PRIM2: variants seen among roughly 807,000 people sequenced by gnomAD.
The protein encoded by PRIM2 is DNA primase subunit 2, also known as DNA primase large subunit.
In PRIM2, 39 loss-of-function variants were observed where a neutral mutation model predicts 67.3. The observed-to-expected ratio is 0.58, with a 90% CI of 0.45 to 0.76. The LOEUF (loss-of-function observed/expected upper bound fraction) is 0.76. Ranked by LOEUF, PRIM2 falls within the 30% of genes least tolerant of loss-of-function variation. The pLI, the probability that PRIM2 is intolerant of heterozygous loss-of-function variation, is 0.00. For missense variants in PRIM2, 398 were observed against 598.7 expected, an observed-to-expected ratio of 0.66 and a Z score of 3.50; for synonymous variants, 143 against 198.7, an observed-to-expected ratio of 0.72 and a Z score of 2.36.
the PRIM2 span, among the ~76,000 whole-genome samples, chr6:57,267,752 A>G: frequency 2.0e-5 from 3 of 150,948 alleles, no homozygotes; most frequent in South Asian, 4.3e-4. Flanking sequence ...CTACAAAAAA[A>G]TTTTAAAATT....
intron 7 of PRIM2, among the ~76,000 whole-genome samples, chr6:57,407,318 C>T: frequency 6.6e-6 from 1 of 151,312 alleles, no homozygotes; most frequent in East Asian, 1.9e-4. Flanking sequence ...TTTCATTAAT[C>T]CTTTGGACTA....
intron 7 of PRIM2, among the ~76,000 whole-genome samples, chr6:57,493,015 A>T (rs1773931609): frequency 6.6e-6 from 1 of 152,226 alleles, no homozygotes; most frequent in African/African-American, 2.4e-5. Context: ...AAAGCACATA[A>T]ATCTACAAAA....
chr6:57,585,307 A>G (rs1404695453), intron 10 of PRIM2, among the ~76,000 whole-genome samples: 2 of 152,324 alleles, frequency 1.3e-5, no homozygotes, highest in African/African-American at 2.4e-5. Context: ...AGTGCTTACT[A>G]TTTTTTAAAG....
intron 7 of PRIM2, among the ~76,000 whole-genome samples, chr6:57,407,056 A>G (rs1770916515): frequency 6.6e-6 from 1 of 151,916 alleles, no homozygotes; most frequent in African/African-American, 2.4e-5. Context: ...ATTTGAAACA[A>G]AAGAATGGTA....
At chr6:57,342,413 C>T (rs200985541) in intron 5 of PRIM2, among the ~76,000 whole-genome samples, 9,139 of 151,464 alleles carry the variant, frequency 0.06, 375 homozygotes, top group Admixed American at 0.1. Flanking sequence ...TAAGGTTAAA[C>T]AGATTCTATT....
At chr6:57,448,859 C>G (rs1318090903) in intron 7 of PRIM2, among the ~76,000 whole-genome samples, 2 of 152,118 alleles carry the variant, frequency 1.3e-5, no homozygotes, top group African/African-American at 4.8e-5. Flanking sequence ...CACAAAGAGT[C>G]TGTATTGTCA....
At chr6:57,550,883 T>C (rs1338994857) in intron 10 of PRIM2, among the ~76,000 whole-genome samples, 1 of 152,112 alleles carries the variant, frequency 6.6e-6, no homozygotes, top group African/African-American at 2.4e-5. Context: ...CCAAAATGGG[T>C]CAGACTTCTG....
intron 13 of PRIM2, among the ~76,000 whole-genome samples, chr6:57,632,979 G>A (rs1288411542): frequency 6.6e-6 from 1 of 152,188 alleles, no homozygotes; most frequent in Non-Finnish European, 1.5e-5. Context: ...ACCCAGTCTG[G>A]CACAGAATAG....
At chr6:57,349,211 A>G (rs1009871950) in intron 5 of PRIM2, among the ~76,000 whole-genome samples, 4 of 152,178 alleles carry the variant, frequency 2.6e-5, no homozygotes, top group African/African-American at 9.7e-5. Context: ...CTGGACTCCA[A>G]CTAGCCTATG....
intron 7 of PRIM2, among the ~76,000 whole-genome samples, chr6:57,398,207 C>G (rs1430377653): frequency 2.6e-5 from 4 of 152,016 alleles, no homozygotes; most frequent in Non-Finnish European, 4.4e-5. Context: ...ATCTGCTTGC[C>G]TCGGCCTCCC....
intron 5 of PRIM2, among the ~76,000 whole-genome samples, chr6:57,348,957 G>A (rs1768770200): frequency 6.6e-6 from 1 of 152,000 alleles, no homozygotes; most frequent in African/African-American, 2.4e-5. Context: ...ATTTTCGTCA[G>A]GATGGTCTTG....
chr6:57,422,300 C>T (rs1055636553), intron 7 of PRIM2, among the ~76,000 whole-genome samples: 2 of 151,356 alleles, frequency 1.3e-5, no homozygotes, highest in African/African-American at 2.4e-5. Flanking sequence ...ATTACAGGCA[C>T]CCACTTTTTG....
chr6:57,457,925 C>G (rs1298117304), intron 7 of PRIM2, among the ~76,000 whole-genome samples: 1 of 152,008 alleles, frequency 6.6e-6, no homozygotes, highest in East Asian at 1.9e-4. Flanking sequence ...GGCCATCTTC[C>G]TTGTTCATTT....
the PRIM2 span, among the ~76,000 whole-genome samples, chr6:57,265,198 C>T: frequency 6.6e-6 from 1 of 152,314 alleles, no homozygotes; most frequent in South Asian, 2.1e-4. Flanking sequence ...CTGGTGAAGA[C>T]ATGACTTGAC....
chr6:57,646,303 C>T lies in PRIM2; in HGVS notation c.*145C>T. 1 of 632,464 alleles carries T rather than the reference C, an allele frequency of 1.6e-6. No individual in the cohort carries two copies. The highest frequency in any genetic ancestry group is 2.8e-5 in the Admixed American group (1 of 35,172). The allele number at this position is 632,464 out of a possible 1,614,324, so 39.2% of individuals were successfully genotyped here. A position where few individuals can be genotyped will look rare whatever the true frequency, so the allele number is the denominator to read the frequency against. On this transcript the variant is annotated 3_prime_UTR_variant, in exon 14 of 14. Transcript: ENST00000615550. ...GATTGCAGCCTTGACCTTCCCAGCT[C>T]AAGTGATCCTCCTACCTCAGCCTCC...
At chr6:57,328,109 C>T (rs918917193) in intron 5 of PRIM2, among the ~76,000 whole-genome samples, 5 of 152,140 alleles carry the variant, frequency 3.3e-5, no homozygotes, top group Non-Finnish European at 7.4e-5. Flanking sequence ...GGGCCATGTG[C>T]TGGTGCTGGT....
At chr6:57,505,323 C>T (rs1184508414) in intron 7 of PRIM2, 15 of 152,194 alleles carry the variant, frequency 9.9e-5, no homozygotes, top group Non-Finnish European at 1.5e-4. Flanking sequence ...GATTCAATCT[C>T]GAAAGTAAGT....
intron 5 of PRIM2, among the ~76,000 whole-genome samples, chr6:57,334,110 T>A (rs1768143189): frequency 6.6e-6 from 1 of 152,192 alleles, no homozygotes; most frequent in South Asian, 2.1e-4. Context: ...TACCCTCTAT[T>A]TCTATGAGAT....
chr6:57,357,492 C>T (rs1769068001), intron 5 of PRIM2, among the ~76,000 whole-genome samples: 1 of 152,158 alleles, frequency 6.6e-6, no homozygotes, highest in Non-Finnish European at 1.5e-5. Context: ...GGATACTCTT[C>T]CCTACATTTC....
Sources: gnomAD v4.1 joint callset for allele counts (sites outside exome capture counted in the v4.1 genomes callset) on GRCh38, gnomAD v4.1.1 for gene constraint, MANE v1.5 for transcripts, NCBI Gene and HGNC (gene_info 2026-07-23, HGNC 2026-07-21) for gene names.